Variants in PRKAR1A observed in about 807,000 individuals in gnomAD.
The protein encoded by PRKAR1A is cAMP-dependent protein kinase type I-alpha regulatory subunit.
A neutral mutation model predicts 52.0 loss-of-function variants in PRKAR1A; 3 were observed. The ratio of observed to expected loss-of-function variants is 0.06; its 90% CI spans 0.03 to 0.15. PRKAR1A has a LOEUF of 0.15. PRKAR1A is among the 10% of genes least tolerant of loss of function. The probability of loss-of-function intolerance (pLI) is 1.00; values close to 1 mark genes in which losing one functional copy is unlikely to be tolerated. For missense variants in PRKAR1A, 240 were observed against 477.4 expected (o/e 0.50, Z 4.63); for synonymous variants, 188 against 168.4 (o/e 1.12, Z -0.90).
At position 68,532,834 on chromosome 17, in the gene PRKAR1A, T is replaced by TACTC; in HGVS notation, c.*2386_*2389dup. 1 of 1,066,478 alleles carries TACTC rather than the reference T, an allele frequency of 9.4e-7. No homozygotes were observed. The allele number at this position is 1,066,478 out of a possible 1,614,324, so 66.1% of individuals were successfully genotyped here. A position where few individuals can be genotyped will look rare whatever the true frequency, so the allele number is the denominator to read the frequency against. ...CTCTCTCTGTCCTTCCCCGAAAGTC[T>TACTC]ACTCGGGTGGGCAAAAATGAAAAGG... On this transcript the variant is annotated 3_prime_UTR_variant, in exon 11 of 11. Transcript: ENST00000589228.
At chr17:68,538,609 A>G (rs765668498) in intron 11 of PRKAR1A, among the ~76,000 whole-genome samples, 7 of 152,270 alleles carry the variant, frequency 4.6e-5, no homozygotes, top group Non-Finnish European at 8.8e-5. Flanking sequence ...GCCTTCTTCC[A>G]GTCTGCACAG....
the PRKAR1A span, among the ~76,000 whole-genome samples, chr17:68,419,556 G>A: frequency 6.6e-6 from 1 of 152,252 alleles, no homozygotes; most frequent in East Asian, 1.9e-4. Context: ...CAGCCTGGGT[G>A]ACAGAGCGAG....
chr17:68,549,494 C>CAA (rs34993560), intron 11 of PRKAR1A, among the ~76,000 whole-genome samples: 23,178 of 126,470 alleles, frequency 0.18, 1,821 homozygotes, highest in Non-Finnish European at 0.19. Context: ...AACTCCATCT[C>CAA]AAAAAAAAAA....
At chr17:68,425,855 C>A in the PRKAR1A span, 1 of 514,552 alleles carries the variant, frequency 1.9e-6, no homozygotes, top group Non-Finnish European at 3.5e-6. Context: ...TATTCGGTGA[C>A]TCTAATGCCA....
intron 11 of PRKAR1A, chr17:68,539,797 G>A (rs907375258): frequency 7.9e-7 from 1 of 1,266,110 alleles, no homozygotes; most frequent in Non-Finnish European, 1.1e-6. Flanking sequence ...GCCCTCATTT[G>A]CAGGGCGTCT....
the PRKAR1A span, among the ~76,000 whole-genome samples, chr17:68,425,070 G>A: frequency 6.6e-6 from 1 of 152,176 alleles, no homozygotes; most frequent in Non-Finnish European, 1.5e-5. Flanking sequence ...GATGGAAGAA[G>A]CCACGCCCAG....
the PRKAR1A span, chr17:68,420,452 C>A: frequency 5.0e-6 from 8 of 1,613,880 alleles, no homozygotes; most frequent in Non-Finnish European, 8.5e-7. Context: ...CTGCCGCTGT[C>A]AAGCCGCATA....
intron 11 of PRKAR1A, chr17:68,540,656 C>T: frequency 1.4e-6 from 1 of 734,094 alleles, no homozygotes; most frequent in Non-Finnish European, 2.4e-6. Flanking sequence ...CCTTGAGCTT[C>T]TTCCAGTTCT....
At chr17:68,479,297 C>T in the PRKAR1A span, among the ~76,000 whole-genome samples, 1 of 152,164 alleles carries the variant, frequency 6.6e-6, no homozygotes, top group African/African-American at 2.4e-5. Context: ...GATTGAATTG[C>T]TGTTCCATTT....
In PRKAR1A at chr17:68,548,723, A is replaced by ATTTT. The variant is rs200833117; in HGVS notation, c.974-2360_974-2359insTTTT. 2.2e-3 allele frequency among the ~76,000 whole-genome samples: 255 copies of ATTTT among 117,880 alleles called. 3 individuals carry two copies. The highest frequency in any genetic ancestry group is 3.1e-3 in the Non-Finnish European group (181 of 59,232). The allele number at this position is 117,880 out of a possible 152,430, so 77.3% of individuals were successfully genotyped here. On this transcript the variant is annotated intron_variant, in intron 11 of 11. Coordinates refer to the PRKAR1A transcript ENST00000585981. ...CGCAGATACAGCGAGCTATGCCTGT[A>ATTTT]TATTTTTTTTTTTTTTTTTTTTTTT... is the stretch of plus-strand genomic sequence containing the variant.
intron 11 of PRKAR1A, among the ~76,000 whole-genome samples, chr17:68,545,122 C>T (rs916857074): frequency 2.6e-5 from 4 of 151,902 alleles, no homozygotes; most frequent in Non-Finnish European, 5.9e-5. Context: ...AAATACAAAG[C>T]GCATAATTTT....
At chr17:68,457,406 C>T in the PRKAR1A span, 3 of 1,518,118 alleles carry the variant, frequency 2.0e-6, no homozygotes, top group East Asian at 2.8e-5. Context: ...GGAGCGTCCG[C>T]GGCCTCGGCC....
At chr17:68,430,106 A>G in the PRKAR1A span, 1 of 1,614,182 alleles carries the variant, frequency 6.2e-7, no homozygotes, top group Non-Finnish European at 8.5e-7. Flanking sequence ...AGTTGGTAGC[A>G]GCCATAAACA....
intron 8 of PRKAR1A, among the ~76,000 whole-genome samples, chr17:68,528,221 A>C (rs933089421): frequency 6.6e-6 from 1 of 152,222 alleles, no homozygotes; most frequent in Non-Finnish European, 1.5e-5. Flanking sequence ...AGAGTAAAGC[A>C]GATTAATTGA....
At chr17:68,479,822 G>T in the PRKAR1A span, among the ~76,000 whole-genome samples, 38 of 152,204 alleles carry the variant, frequency 2.5e-4, no homozygotes, top group Non-Finnish European at 4.8e-4. Flanking sequence ...GTTCCACATG[G>T]CTGGGAAGGC....
Position 68,532,625 on chromosome 17 carries a change from A to G in PRKAR1A, c.*2176A>G. On this transcript the variant is annotated 3_prime_UTR_variant, in exon 11 of 11. Transcript: ENST00000589228. ...ATTTATGAGATTTACTGCTCTAGAA[A>G]GTATAGATGGCCAAAGGACCGTTTT... 3 of 1,066,296 alleles carry G rather than the reference A, an allele frequency of 2.8e-6. No individual in the cohort carries two copies. The highest frequency in any genetic ancestry group is 4.2e-4 in the Middle Eastern group (1 of 2,402). The allele number at this position is 1,066,296 out of a possible 1,614,324, so 66.1% of individuals were successfully genotyped here. A position where few individuals can be genotyped will look rare whatever the true frequency, so the allele number is the denominator to read the frequency against.
At chr17:68,539,336 C>G (rs1156573190) in intron 11 of PRKAR1A, 2 of 1,614,228 alleles carry the variant, frequency 1.2e-6, no homozygotes, top group Non-Finnish European at 1.7e-6. Context: ...GGAAAACTTA[C>G]ATGCAGCACT....
the PRKAR1A span, among the ~76,000 whole-genome samples, chr17:68,419,868 G>T: frequency 2.0e-4 from 30 of 151,906 alleles, no homozygotes; most frequent in African/African-American, 7.3e-4. Flanking sequence ...TGAAGTGGGA[G>T]GATCACTTGA....
At chr17:68,443,141 C>T in the PRKAR1A span, among the ~76,000 whole-genome samples, 1 of 152,078 alleles carries the variant, frequency 6.6e-6, no homozygotes, top group Non-Finnish European at 1.5e-5. Flanking sequence ...GACAGAGTCT[C>T]GATCTGTTGC....
Sources: allele counts gnomAD v4.1 joint callset (sites outside exome capture counted in the v4.1 genomes callset), GRCh38; gene constraint gnomAD v4.1.1; transcripts MANE v1.5; gene names NCBI Gene and HGNC (gene_info 2026-07-23, HGNC 2026-07-21).